The following NBEA variants were observed in gnomAD, a reference collection of about 807,000 sequenced individuals.
The protein encoded by NBEA is neurobeachin.
NBEA carries 44 observed loss-of-function variants against 343.4 expected under a neutral mutation model. The ratio of observed to expected loss-of-function variants is 0.13; its 90% CI spans 0.10 to 0.16. The LOEUF (loss-of-function observed/expected upper bound fraction) is 0.16. NBEA is among the 10% of genes least tolerant of loss of function. NBEA has a pLI of 1.00. For synonymous variants in NBEA, 1,175 were observed against 1,238.7 expected (o/e 0.95, Z 1.08); for missense variants, 2,555 against 3,631.3 (o/e 0.70, Z 7.62).
chr13:35,323,075 C>A (rs1203406161), intron 36 of NBEA, among the ~76,000 whole-genome samples: 1 of 152,108 alleles, frequency 6.6e-6, no homozygotes, highest in Admixed American at 6.5e-5. Context: ...GTCTCGAACT[C>A]CTGAAATTAA....
At chr13:35,355,453 A>G (rs2040439125) in intron 38 of NBEA, among the ~76,000 whole-genome samples, 1 of 152,148 alleles carries the variant, frequency 6.6e-6, no homozygotes, top group Admixed American at 6.6e-5. Context: ...GAAAAACGTG[A>G]TGCCTCAGTT....
At chr13:35,393,249 A>G (rs527768869) in intron 38 of NBEA, among the ~76,000 whole-genome samples, 42 of 152,288 alleles carry the variant, frequency 2.8e-4, no homozygotes, top group African/African-American at 8.9e-4. Flanking sequence ...ATTTTAGCAC[A>G]TTAAAAAAAT....
chr13:35,459,968 A>G (rs541627916), intron 40 of NBEA, among the ~76,000 whole-genome samples: 5 of 152,224 alleles, frequency 3.3e-5, no homozygotes, highest in African/African-American at 4.8e-5. Context: ...CTTAAGCCTA[A>G]CTCTGTGCAT....
intron 8 of NBEA, among the ~76,000 whole-genome samples, chr13:35,068,331 A>T (rs1040967961): frequency 6.6e-6 from 1 of 152,220 alleles, no homozygotes; most frequent in Non-Finnish European, 1.5e-5. Context: ...TAAATCTTTT[A>T]AGAGAATATA....
At chr13:35,060,814 C>CA (rs1390195267) in intron 8 of NBEA, among the ~76,000 whole-genome samples, 1 of 151,446 alleles carries the variant, frequency 6.6e-6, no homozygotes, top group African/African-American at 2.4e-5. Flanking sequence ...ACATTATAGT[C>CA]ACAATTATCT....
Position 35,391,118 on chromosome 13 carries a change from T to C in NBEA, c.6179+38795T>C, listed in dbSNP as rs193159437. ...GGTGAAACCCTGTCTCTACTAAAAATATAAAAATTTGCTGGGCTTGATGGC... is the reference window on the plus strand; with the variant it reads ...GGTGAAACCCTGTCTCTACTAAAAACATAAAAATTTGCTGGGCTTGATGGC... On this transcript the variant is annotated intron_variant, in intron 38 of 58. Transcript: ENST00000379939. Among the ~76,000 whole-genome samples the C allele has an allele frequency of 5.9e-4, 89 of 152,034 alleles. No homozygotes were observed. The East Asian group carries it at 0.012, about 21-fold the overall frequency.
chr13:35,426,070 C>T (rs754484840), intron 38 of NBEA, among the ~76,000 whole-genome samples: 37 of 152,300 alleles, frequency 2.4e-4, no homozygotes, highest in Non-Finnish European at 1.5e-4. Flanking sequence ...TTTCTGAATA[C>T]AGCACACTGA....
chr13:35,333,876 C>T (rs1198911451), intron 36 of NBEA, among the ~76,000 whole-genome samples: 1 of 152,118 alleles, frequency 6.6e-6, no homozygotes, highest in African/African-American at 2.4e-5. Flanking sequence ...GACAGGGTCT[C>T]ATTCTTTTTT....
chr13:35,479,510 G>A (rs2076033045), intron 41 of NBEA, among the ~76,000 whole-genome samples: 1 of 151,892 alleles, frequency 6.6e-6, no homozygotes, highest in Non-Finnish European at 1.5e-5. Flanking sequence ...CTATAGAGAG[G>A]GATTGCAAAT....
intron 34 of NBEA, among the ~76,000 whole-genome samples, chr13:35,259,834 T>A (rs1309638310): frequency 6.6e-6 from 1 of 152,122 alleles, no homozygotes; most frequent in Non-Finnish European, 1.5e-5. Flanking sequence ...TGGTCAAGAT[T>A]TTGTGTTACA....
intron 44 of NBEA, among the ~76,000 whole-genome samples, chr13:35,557,092 G>A (rs747016352): frequency 3.3e-5 from 5 of 152,066 alleles, no homozygotes; most frequent in African/African-American, 7.2e-5. Flanking sequence ...GGAGGGCAGG[G>A]TGATATACCT....
chr13:35,611,617 T>A (rs1593363642), intron 48 of NBEA, among the ~76,000 whole-genome samples: 1 of 152,316 alleles, frequency 6.6e-6, no homozygotes, highest in East Asian at 1.9e-4. Context: ...AATCAACTTT[T>A]TATCTCCAAA....
At chr13:35,055,835 C>G (rs1244241940) in intron 6 of NBEA, among the ~76,000 whole-genome samples, 175 bp from the exon 7 acceptor site, 1 of 152,022 alleles carries the variant, frequency 6.6e-6, no homozygotes, top group Non-Finnish European at 1.5e-5. Flanking sequence ...CTTTATGTGC[C>G]ACTTCTACCA....
chr13:35,580,975 T>A lies in NBEA; in HGVS notation c.7036-2923T>A, dbSNP rs181635239. Among the ~76,000 whole-genome samples, 295 of 152,326 alleles carry A rather than the reference T, an allele frequency of 1.9e-3. 2 individuals carry two copies. Among genetic ancestry groups the A allele is most frequent in the Non-Finnish European group, 1.2e-3 (83 of 68,032 alleles). On this transcript the variant is annotated intron_variant, in intron 45 of 58. Transcript: ENST00000379939. Reference sequence around the variant, plus strand: ...AAAAAGATTAGAGGAAGAGACATGCTCCTTTTTAAAGAATGTTTTGTGAGA... The same window carrying A: ...AAAAAGATTAGAGGAAGAGACATGCACCTTTTTAAAGAATGTTTTGTGAGA...
rs1343522604 is a variant in NBEA, at chr13:35,405,881, T to G, written c.6180-26388T>G. Among the ~76,000 whole-genome samples, 3 of 152,212 alleles carry G rather than the reference T, an allele frequency of 2.0e-5. No homozygotes were observed. The East Asian group carries it at 5.8e-4, about 29-fold the overall frequency. ...TCAGTAGAATTAGCTATTTCACAAGTAATTTTACAGTTTTGTTAATTAAGA... is the reference window on the plus strand; with the variant it reads ...TCAGTAGAATTAGCTATTTCACAAGGAATTTTACAGTTTTGTTAATTAAGA... On this transcript the variant is annotated intron_variant, in intron 38 of 58. Coordinates refer to ENST00000379939, the MANE Select transcript of NBEA (RefSeq NM_001385012.1).
At chr13:35,051,349 G>A (rs1280064167) in intron 6 of NBEA, among the ~76,000 whole-genome samples, 3 of 151,688 alleles carry the variant, frequency 2.0e-5, no homozygotes, top group Admixed American at 2.0e-4. Context: ...ATGTGGTGAG[G>A]GGGAGATCTT....
At chr13:35,179,309 T>G (rs2071138639) in intron 28 of NBEA, among the ~76,000 whole-genome samples, 1 of 151,586 alleles carries the variant, frequency 6.6e-6, no homozygotes, top group Non-Finnish European at 1.5e-5. Flanking sequence ...ACAAGTTATA[T>G]TACCTTGATG....
chr13:35,643,661 G>T (rs1206440571), intron 49 of NBEA, among the ~76,000 whole-genome samples: 1 of 152,180 alleles, frequency 6.6e-6, no homozygotes, highest in Non-Finnish European at 1.5e-5. Context: ...AGAAAAATGT[G>T]CTGTGAGAAT....
At chr13:35,596,372 C>A (rs2081805433) in intron 47 of NBEA, among the ~76,000 whole-genome samples, 2 of 152,092 alleles carry the variant, frequency 1.3e-5, no homozygotes, top group Non-Finnish European at 2.9e-5. Flanking sequence ...TAAAGCACAG[C>A]ATGATATATT....
Sources: allele counts gnomAD v4.1 joint callset (sites outside exome capture counted in the v4.1 genomes callset), GRCh38; gene constraint gnomAD v4.1.1; transcripts MANE v1.5; gene names NCBI Gene and HGNC (gene_info 2026-07-23, HGNC 2026-07-21).